B3GALT1: variants seen among roughly 807,000 people sequenced by gnomAD.
B3GALT1 encodes UDP-Gal:betaGlcNAc beta 1,3-galactosyltransferase, polypeptide 1.
B3GALT1 carries 10 observed loss-of-function variants against 23.2 expected under a neutral mutation model. That is an observed-to-expected ratio of 0.43 (90% confidence interval 0.27 to 0.73). The LOEUF (loss-of-function observed/expected upper bound fraction) is 0.73, where lower values mean the gene tolerates loss of function less well. B3GALT1 is among the 30% of genes least tolerant of loss of function. The pLI is 0.21. For synonymous variants in B3GALT1, 156 were observed against 141.5 expected, an observed-to-expected ratio of 1.10 and a Z score of -0.73; for missense variants, 299 against 405.4, an observed-to-expected ratio of 0.74 and a Z score of 2.25.
chr2:167,646,027 T>A (rs1208260126), intron 2 of B3GALT1, among the ~76,000 whole-genome samples: 1 of 152,162 alleles, frequency 6.6e-6, no homozygotes, highest in Non-Finnish European at 1.5e-5. Context: ...CCTTTCCTGG[T>A]GTACAGTTTT....
At chr2:167,443,623 C>G (rs2105314869) in intron 1 of B3GALT1, among the ~76,000 whole-genome samples, 1 of 152,242 alleles carries the variant, frequency 6.6e-6, no homozygotes, top group East Asian at 1.9e-4. Flanking sequence ...ATTTTATTCT[C>G]TTTGAAGCAA....
intron 2 of B3GALT1, among the ~76,000 whole-genome samples, chr2:167,613,791 C>T (rs995460503): frequency 1.3e-5 from 2 of 151,584 alleles, no homozygotes; most frequent in East Asian, 1.9e-4. Flanking sequence ...ATAGAACTTC[C>T]AAAATATGTG....
At chr2:167,801,668 T>G (rs1688640642) in intron 3 of B3GALT1, among the ~76,000 whole-genome samples, 1 of 152,216 alleles carries the variant, frequency 6.6e-6, no homozygotes, top group Non-Finnish European at 1.5e-5. Flanking sequence ...GTGCATTTGC[T>G]TTCCATTAAA....
chr2:167,353,301 A>G (rs1003836337), intron 1 of B3GALT1, among the ~76,000 whole-genome samples: 14 of 152,188 alleles, frequency 9.2e-5, no homozygotes, highest in African/African-American at 2.9e-4. Context: ...TTTTAGGTAC[A>G]AAATTAACAG....
At chr2:167,776,244 A>C (rs1688159952) in intron 3 of B3GALT1, among the ~76,000 whole-genome samples, 1 of 152,196 alleles carries the variant, frequency 6.6e-6, no homozygotes, top group Non-Finnish European at 1.5e-5. Context: ...GGGACTCCGG[A>C]CATGTAAACT....
chr2:167,809,700 G>A (rs57950430), intron 3 of B3GALT1, among the ~76,000 whole-genome samples: 2 of 152,192 alleles, frequency 1.3e-5, no homozygotes, highest in East Asian at 1.9e-4. Flanking sequence ...CCCTACTGGG[G>A]GGTGCCTCCC....
intron 3 of B3GALT1, among the ~76,000 whole-genome samples, chr2:167,745,164 C>T (rs1373304396): frequency 6.7e-6 from 1 of 150,222 alleles, no homozygotes; most frequent in Non-Finnish European, 1.5e-5. Flanking sequence ...TTGGTGGTTG[C>T]CCTAGAAGTT....
At chr2:167,793,335 T>C (rs1344940623) in intron 3 of B3GALT1, among the ~76,000 whole-genome samples, 1 of 152,134 alleles carries the variant, frequency 6.6e-6, no homozygotes, top group Admixed American at 6.6e-5. Flanking sequence ...AGTCAAATGC[T>C]CCTGCCTCAC....
intron 1 of B3GALT1, among the ~76,000 whole-genome samples, chr2:167,360,347 T>A (rs1697481568): frequency 6.6e-6 from 1 of 152,210 alleles, no homozygotes; most frequent in South Asian, 2.1e-4. Context: ...ATTAATGATG[T>A]GAGCAGAGAA....
intron 2 of B3GALT1, among the ~76,000 whole-genome samples, chr2:167,531,711 TGA>T (rs958832198): frequency 1.5e-4 from 23 of 152,364 alleles, no homozygotes; most frequent in African/African-American, 5.3e-4. Flanking sequence ...AACGTGTTAC[TGA>T]GAGTCGTGTT....
chr2:167,649,959 A>G (rs1227123519), intron 3 of B3GALT1, among the ~76,000 whole-genome samples: 6 of 151,992 alleles, frequency 3.9e-5, no homozygotes, highest in Non-Finnish European at 8.8e-5. Flanking sequence ...AATGTTGAAT[A>G]GATGTAATGA....
chr2:167,450,261 C>T (rs1293494333), intron 1 of B3GALT1, among the ~76,000 whole-genome samples: 1 of 151,666 alleles, frequency 6.6e-6, no homozygotes, highest in Non-Finnish European at 1.5e-5. Flanking sequence ...ATTACCTTTT[C>T]AGTCTGGCTG....
chr2:167,614,105 T>A (rs951650378), intron 2 of B3GALT1, among the ~76,000 whole-genome samples: 6 of 151,316 alleles, frequency 4.0e-5, no homozygotes, highest in Admixed American at 6.6e-5. Flanking sequence ...AAGAGAAAAA[T>A]TAACAAAATT....
chr2:167,659,781 C>A (rs1474063097), intron 3 of B3GALT1, among the ~76,000 whole-genome samples: 1 of 152,012 alleles, frequency 6.6e-6, no homozygotes, highest in African/African-American at 2.4e-5. Flanking sequence ...CCTGCCAGAT[C>A]ACCAATAGTT....
intron 3 of B3GALT1, among the ~76,000 whole-genome samples, chr2:167,686,365 G>T (rs1440033360): frequency 6.6e-6 from 1 of 152,078 alleles, no homozygotes; most frequent in African/African-American, 2.4e-5. Flanking sequence ...TTTTACTGGA[G>T]AATGAAACAT....
chr2:167,317,730 G>A (rs915646435), intron 1 of B3GALT1, among the ~76,000 whole-genome samples: 3 of 152,164 alleles, frequency 2.0e-5, no homozygotes, highest in South Asian at 4.1e-4. Context: ...TATACAAAAG[G>A]TCGCTGCTTC....
intron 4 of B3GALT1, among the ~76,000 whole-genome samples, chr2:167,856,797 A>T (rs1314162553): frequency 6.6e-6 from 1 of 152,190 alleles, no homozygotes; most frequent in Admixed American, 6.5e-5. Context: ...CTAGGAGGAA[A>T]GCATGATAGT....
chr2:167,698,382 C>T (rs1330750668), intron 3 of B3GALT1, among the ~76,000 whole-genome samples: 1 of 152,052 alleles, frequency 6.6e-6, no homozygotes, highest in Non-Finnish European at 1.5e-5. Flanking sequence ...TCCTATTTTG[C>T]AATCTGTTAG....
intron 2 of B3GALT1, among the ~76,000 whole-genome samples, chr2:167,579,818 G>A (rs1199252935): frequency 1.3e-5 from 2 of 151,952 alleles, no homozygotes; most frequent in African/African-American, 2.4e-5. Flanking sequence ...TCATTAATCT[G>A]TCTGTCTTTA....
Sources: allele counts gnomAD v4.1 joint callset (sites outside exome capture counted in the v4.1 genomes callset), GRCh38; gene constraint gnomAD v4.1.1; transcripts MANE v1.5; gene names NCBI Gene and HGNC (gene_info 2026-07-23, HGNC 2026-07-21).